HS3ST4: variants seen among roughly 807,000 people sequenced by gnomAD.
The protein encoded by HS3ST4 is heparan sulfate glucosamine 3-O-sulfotransferase 4.
Under a neutral mutation model 29.2 loss-of-function variants are expected in HS3ST4, and 17 were observed. The ratio of observed to expected loss-of-function variants is 0.58; its 90% CI spans 0.40 to 0.87. The LOEUF (loss-of-function observed/expected upper bound fraction) is 0.87. Among genes scored for constraint, HS3ST4 ranks in the 40% least tolerant of loss-of-function variants. HS3ST4 has a pLI of 0.00. For missense variants in HS3ST4, 627 were observed against 634.5 expected (o/e 0.99, Z 0.13); for synonymous variants, 314 against 285.7 (o/e 1.10, Z -1.00).
intron 1 of HS3ST4, among the ~76,000 whole-genome samples, chr16:25,857,433 C>A (rs767110151): frequency 1.3e-5 from 2 of 152,106 alleles, no homozygotes; most frequent in African/African-American, 2.4e-5. Context: ...GTAACTGAAA[C>A]CTTACATTGT....
intron 1 of HS3ST4, among the ~76,000 whole-genome samples, chr16:25,789,852 GGTTTAATA>G (rs1327476075): frequency 6.6e-6 from 1 of 152,146 alleles, no homozygotes; most frequent in African/African-American, 2.4e-5. Context: ...TCTTGTGTCT[GGTTTAATA>G]GTCCCACGTT....
chr16:26,127,898 A>G (rs1242301672), intron 1 of HS3ST4, among the ~76,000 whole-genome samples: 1 of 152,064 alleles, frequency 6.6e-6, no homozygotes, highest in Non-Finnish European at 1.5e-5. Context: ...ATTTCTCCCA[A>G]TGTGTGGTCA....
intron 1 of HS3ST4, among the ~76,000 whole-genome samples, chr16:25,887,356 G>C (rs115916378): frequency 6.6e-6 from 1 of 152,060 alleles, no homozygotes; most frequent in East Asian, 1.9e-4. Flanking sequence ...ATCCTGGTGG[G>C]TGTCTAAAGC....
chr16:25,950,141 G>A (rs1022254218), intron 1 of HS3ST4, among the ~76,000 whole-genome samples: 1 of 152,110 alleles, frequency 6.6e-6, no homozygotes, highest in East Asian at 1.9e-4. Flanking sequence ...CAGTGAGGGC[G>A]GTGGGCTGGA....
At chr16:25,698,353 G>T (rs992878713) in intron 1 of HS3ST4, among the ~76,000 whole-genome samples, 1 of 152,072 alleles carries the variant, frequency 6.6e-6, no homozygotes, top group Non-Finnish European at 1.5e-5. Context: ...CACTTGGAGG[G>T]AACAGCCAGT....
intron 1 of HS3ST4, among the ~76,000 whole-genome samples, chr16:26,049,779 CA>C (rs1898316242): frequency 3.9e-5 from 6 of 152,136 alleles, no homozygotes; most frequent in Admixed American, 3.9e-4. Flanking sequence ...GGGCTTCTCA[CA>C]ACCCCCTCCT....
At chr16:25,735,151 G>T (rs547862109) in intron 1 of HS3ST4, among the ~76,000 whole-genome samples, 1 of 152,290 alleles carries the variant, frequency 6.6e-6, no homozygotes, top group East Asian at 1.9e-4. Flanking sequence ...ATGTCTACCT[G>T]CCTGAATGTG....
intron 1 of HS3ST4, among the ~76,000 whole-genome samples, chr16:26,113,375 G>T (rs978404678): frequency 1.3e-5 from 2 of 151,544 alleles, no homozygotes; most frequent in Non-Finnish European, 2.9e-5. Context: ...GAAACCGGGG[G>T]GTAGAGGTTG....
intron 1 of HS3ST4, among the ~76,000 whole-genome samples, chr16:25,859,693 G>A (rs541004836): frequency 6.6e-6 from 1 of 152,294 alleles, no homozygotes; most frequent in East Asian, 1.9e-4. Context: ...GCACAAAACA[G>A]GGTCAAAGAC....
chr16:25,738,906 C>T (rs1284309919), intron 1 of HS3ST4, among the ~76,000 whole-genome samples: 3 of 152,190 alleles, frequency 2.0e-5, no homozygotes, highest in African/African-American at 7.2e-5. Context: ...TCAAGATTGA[C>T]TTGGCTATTC....
rs559145288 is a variant in HS3ST4, at chr16:25,692,953, G to A, written c.536G>A (p.Gly179Glu). 8 of 1,610,416 alleles carry A rather than the reference G, an allele frequency of 5.0e-6. No homozygotes were observed. Among genetic ancestry groups the A allele is most frequent in the South Asian group, 3.3e-5 (3 of 90,584 alleles). Residue 179 changes from glycine (G) to glutamate (E), a missense_variant, in exon 1 of 2, where the codon GGG becomes GAG. Around this residue, in one of 2 missense-constraint regions of HS3ST4, gnomAD observed 402 missense variants for 340.8 expected, o/e 1.18. Transcript: ENST00000331351. ...CTCGCAGGCCGGAGAGCGGCCAACG[G>A]GAGCAGCGAGAGGGGCGGCGCCGTC... ...EDLAGRRAANGSSERGGAVST... is the reference protein window; with the variant it reads ...EDLAGRRAANESSERGGAVST...
chr16:26,129,800 G>A (rs535702324), intron 1 of HS3ST4, among the ~76,000 whole-genome samples: 13 of 152,298 alleles, frequency 8.5e-5, no homozygotes, highest in African/African-American at 2.9e-4. Context: ...GCTTGGAGAC[G>A]TCAGTCTAGC....
intron 1 of HS3ST4, among the ~76,000 whole-genome samples, chr16:26,041,125 A>G (rs1029877873): frequency 2.0e-5 from 3 of 151,948 alleles, no homozygotes; most frequent in Non-Finnish European, 2.9e-5. Context: ...ATCACTTGAG[A>G]CCAGGAGTTT....
At chr16:25,929,020 C>T (rs910099320) in intron 1 of HS3ST4, among the ~76,000 whole-genome samples, 16 of 152,034 alleles carry the variant, frequency 1.1e-4, no homozygotes, top group Non-Finnish European at 1.6e-4. Context: ...ATAGGAAACA[C>T]GTGTAGAAAA....
chr16:26,120,762 C>T (rs1320821259), intron 1 of HS3ST4, among the ~76,000 whole-genome samples: 1 of 152,186 alleles, frequency 6.6e-6, no homozygotes, highest in Non-Finnish European at 1.5e-5. Context: ...CATTGTCTGT[C>T]TTGCTGACCA....
chr16:25,913,124 A>T (rs531101955), intron 1 of HS3ST4, among the ~76,000 whole-genome samples: 1 of 152,350 alleles, frequency 6.6e-6, no homozygotes, highest in South Asian at 2.1e-4. Context: ...ATCCGTAGAA[A>T]GGCAGATTCT....
intron 1 of HS3ST4, among the ~76,000 whole-genome samples, chr16:25,967,182 G>A (rs1044473427): frequency 2.0e-5 from 3 of 152,032 alleles, no homozygotes; most frequent in Non-Finnish European, 2.9e-5. Flanking sequence ...ACGGAATCTC[G>A]CTCGCTCTAT....
At chr16:26,007,450 G>A (rs968827397) in intron 1 of HS3ST4, among the ~76,000 whole-genome samples, 2 of 152,188 alleles carry the variant, frequency 1.3e-5, no homozygotes, top group African/African-American at 4.8e-5. Flanking sequence ...CTGTGCCTCA[G>A]TTTCCTTATC....
intron 1 of HS3ST4, among the ~76,000 whole-genome samples, chr16:25,741,826 G>C (rs1461058603): frequency 5.3e-5 from 8 of 152,148 alleles, no homozygotes; most frequent in Non-Finnish European, 1.0e-4. Flanking sequence ...GAGGGATGGA[G>C]TCACTTGCCC....
Sources: gnomAD v4.1 joint callset for allele counts (sites outside exome capture counted in the v4.1 genomes callset) on GRCh38, gnomAD v4.1.1 for gene constraint, gnomAD v4.1.1 regional missense constraint, MANE v1.5 for transcripts, NCBI Gene and HGNC (gene_info 2026-07-23, HGNC 2026-07-21) for gene names.